GRM8: variants seen among roughly 807,000 people sequenced by gnomAD.
GRM8 encodes metabotropic glutamate receptor 8.
GRM8 carries 47 observed loss-of-function variants against 87.2 expected under a neutral mutation model. That is an observed-to-expected ratio of 0.54 (90% CI 0.43 to 0.69). The LOEUF is 0.69. Ranked by LOEUF, GRM8 falls within the 30% of genes least tolerant of loss-of-function variation. The probability of loss-of-function intolerance (pLI) is 0.00; values close to 1 mark genes in which losing one functional copy is unlikely to be tolerated. For missense variants in GRM8, 1,019 were observed against 1,139.2 expected, an observed-to-expected ratio of 0.89 and a Z score of 1.52; for synonymous variants, 396 against 404.5, an observed-to-expected ratio of 0.98 and a Z score of 0.25.
chr7:127,066,635 TATC>T (rs1461208771), intron 3 of GRM8, among the ~76,000 whole-genome samples: 1 of 152,184 alleles, frequency 6.6e-6, no homozygotes, highest in Non-Finnish European at 1.5e-5. Context: ...CTCAAATACT[TATC>T]ATTTCTTTGT....
intron 7 of GRM8, among the ~76,000 whole-genome samples, chr7:126,760,076 T>C (rs1023415131): frequency 5.9e-5 from 9 of 152,234 alleles, no homozygotes; most frequent in African/African-American, 2.2e-4. Flanking sequence ...CTACATCTGT[T>C]TCCTCATTTT....
intron 9 of GRM8, among the ~76,000 whole-genome samples, chr7:126,476,463 G>A (rs751912900): frequency 1.3e-5 from 2 of 152,046 alleles, no homozygotes; most frequent in Non-Finnish European, 2.9e-5. Flanking sequence ...AAAAATACAA[G>A]TTGTGAAAAT....
Position 127,062,744 on chromosome 7 carries a change from G to C in GRM8, c.727+43752C>G, listed in dbSNP as rs557612092. On this transcript the variant is annotated intron_variant, in intron 3 of 10. Transcript: ENST00000339582. ...TTATTCCTAGATCAGTCTTGGGAGG[G>C]TGTAATTGTCCAGAAATTTATCCAC... 3.3e-5 allele frequency among the ~76,000 whole-genome samples: 5 copies of C among 152,210 alleles called. No individual in the cohort carries two copies. The South Asian group carries it at 8.3e-4, about 25-fold the overall frequency.
At chr7:127,145,469 C>T (rs1828507231) in intron 2 of GRM8, among the ~76,000 whole-genome samples, 1 of 152,122 alleles carries the variant, frequency 6.6e-6, no homozygotes, top group Non-Finnish European at 1.5e-5. Context: ...TCATGCTTCG[C>T]TGTTAAATCC....
At chr7:126,818,053 T>G (rs1303780085) in intron 6 of GRM8, among the ~76,000 whole-genome samples, 1 of 152,192 alleles carries the variant, frequency 6.6e-6, no homozygotes, top group East Asian at 1.9e-4. Flanking sequence ...TGACTCTTTT[T>G]GTGAACAGCA....
chr7:126,662,265 T>C (rs1805258915), intron 7 of GRM8, among the ~76,000 whole-genome samples: 1 of 152,210 alleles, frequency 6.6e-6, no homozygotes, highest in African/African-American at 2.4e-5. Flanking sequence ...AAATTAAGTC[T>C]GGCCACCAAG....
At chr7:127,127,136 C>T (rs189994532) in intron 2 of GRM8, among the ~76,000 whole-genome samples, 25 of 152,094 alleles carry the variant, frequency 1.6e-4, no homozygotes, top group Admixed American at 1.2e-3. Context: ...CAAATTGCTA[C>T]AACCACTTTT....
At chr7:126,707,758 A>C (rs1041594678) in intron 7 of GRM8, among the ~76,000 whole-genome samples, 6 of 152,204 alleles carry the variant, frequency 3.9e-5, no homozygotes, top group African/African-American at 1.4e-4. Context: ...AAATGGATTG[A>C]AGATCTAAAT....
chr7:126,810,052 T>C (rs1203866450), intron 6 of GRM8, among the ~76,000 whole-genome samples: 1 of 152,166 alleles, frequency 6.6e-6, no homozygotes, highest in African/African-American at 2.4e-5. Context: ...ATTTAGGGTA[T>C]GACCTATGTA....
chr7:126,794,517 T>G (rs537257266), intron 6 of GRM8, among the ~76,000 whole-genome samples: 1 of 152,306 alleles, frequency 6.6e-6, no homozygotes, highest in South Asian at 2.1e-4. Context: ...ATATTGATTT[T>G]TCTTCCGAAA....
chr7:127,227,575 A>G (rs1797417263), intron 2 of GRM8, among the ~76,000 whole-genome samples: 1 of 152,226 alleles, frequency 6.6e-6, no homozygotes, highest in Non-Finnish European at 1.5e-5. Context: ...ACAAGTATTT[A>G]TTTTGGTGTT....
At chr7:126,838,036 C>A (rs1795955896) in intron 6 of GRM8, among the ~76,000 whole-genome samples, 1 of 152,162 alleles carries the variant, frequency 6.6e-6, no homozygotes, top group Non-Finnish European at 1.5e-5. Flanking sequence ...TGAAAGATAA[C>A]CATTGCCTCA....
intron 2 of GRM8, among the ~76,000 whole-genome samples, chr7:127,156,062 C>A (rs920153922): frequency 6.6e-6 from 1 of 152,114 alleles, no homozygotes; most frequent in African/African-American, 2.4e-5. Flanking sequence ...GGGTATAAAT[C>A]TGGAAACCTA....
intron 7 of GRM8, among the ~76,000 whole-genome samples, chr7:126,658,995 A>G (rs1328927420): frequency 1.3e-5 from 2 of 152,062 alleles, no homozygotes; most frequent in African/African-American, 4.8e-5. Flanking sequence ...AAAGGCCTTG[A>G]GGCAACACAC....
chr7:127,110,605 A>G (rs529961835), intron 2 of GRM8, among the ~76,000 whole-genome samples: 2 of 150,960 alleles, frequency 1.3e-5, no homozygotes, highest in East Asian at 3.9e-4. Context: ...GACACTCATC[A>G]TCCTCTTTTT....
chr7:127,049,978 G>A (rs1819310553), intron 3 of GRM8, among the ~76,000 whole-genome samples: 1 of 152,188 alleles, frequency 6.6e-6, no homozygotes, highest in South Asian at 2.1e-4. Context: ...AAGTGATGCT[G>A]GAGACAGGCA....
chr7:126,674,493 G>A (rs560499860), intron 7 of GRM8, among the ~76,000 whole-genome samples: 135 of 152,140 alleles, frequency 8.9e-4, no homozygotes, highest in Non-Finnish European at 1.4e-3. Context: ...ACCACTGAAT[G>A]GGTCAAACTT....
In GRM8 at chr7:126,604,896, C is replaced by T. The variant is rs567644232; in HGVS notation, c.1494+4466G>A. 4.6e-5 allele frequency among the ~76,000 whole-genome samples: 7 copies of T among 152,290 alleles called. No individual in the cohort carries two copies. The East Asian group carries it at 1.3e-3, about 29-fold the overall frequency. On this transcript the variant is annotated intron_variant, in intron 8 of 10. Transcript: ENST00000339582. Reference sequence around the variant, plus strand: ...CTTCAAATCACCCTTCCAAATTACACTCTGCCACTAATAATTGGGCAGATT... The same window carrying T: ...CTTCAAATCACCCTTCCAAATTACATTCTGCCACTAATAATTGGGCAGATT...
chr7:126,948,293 AT>A (rs1328881710), intron 3 of GRM8, among the ~76,000 whole-genome samples: 3 of 151,870 alleles, frequency 2.0e-5, no homozygotes, highest in African/African-American at 7.3e-5. Flanking sequence ...ATTGAGCTGC[AT>A]TTTGAAAAAT....
Sources: gnomAD v4.1 joint callset for allele counts (sites outside exome capture counted in the v4.1 genomes callset) on GRCh38, gnomAD v4.1.1 for gene constraint, MANE v1.5 for transcripts, NCBI Gene and HGNC (gene_info 2026-07-23, HGNC 2026-07-21) for gene names.